Variants in ROBO1 observed in about 807,000 individuals in gnomAD.
ROBO1 encodes roundabout guidance receptor 1.
Under a neutral mutation model 195.9 loss-of-function variants are expected in ROBO1, and 149 were observed. The observed-to-expected ratio is 0.76, with a 90% CI of 0.67 to 0.87. ROBO1 has a LOEUF of 0.87. Ranked by LOEUF, ROBO1 falls within the 40% of genes least tolerant of loss-of-function variation. The probability of loss-of-function intolerance (pLI) is 0.00; values close to 1 mark genes in which losing one functional copy is unlikely to be tolerated. For missense variants in ROBO1, 1,933 were observed against 2,068.3 expected (o/e 0.93, Z 1.27); for synonymous variants, 816 against 733.2 (o/e 1.11, Z -1.82).
At chr3:79,498,716 T>G (rs1462242915) in intron 2 of ROBO1, among the ~76,000 whole-genome samples, 2 of 151,790 alleles carry the variant, frequency 1.3e-5, no homozygotes, top group Non-Finnish European at 2.9e-5. Flanking sequence ...TAGCCAGGTG[T>G]GGAGGTGGGC....
chr3:79,530,491 G>T (rs1390905234), intron 2 of ROBO1, among the ~76,000 whole-genome samples: 2 of 152,146 alleles, frequency 1.3e-5, no homozygotes, highest in African/African-American at 4.8e-5. Context: ...TATCTATCCT[G>T]TAATACAGGT....
intron 2 of ROBO1, among the ~76,000 whole-genome samples, chr3:79,453,898 G>T (rs1216628354): frequency 2.6e-5 from 4 of 152,102 alleles, no homozygotes; most frequent in East Asian, 3.9e-4. Flanking sequence ...CAGCAACAAT[G>T]AAAGATTGAT....
In ROBO1 at chr3:78,978,111, A is replaced by T. The variant is rs569850874; in HGVS notation, c.173-39184T>A. Among the ~76,000 whole-genome samples, 83 of 152,294 alleles carry T rather than the reference A, an allele frequency of 5.4e-4. 2 individuals carry two copies. Among genetic ancestry groups the T allele is most frequent in the African/African-American group, 1.9e-3 (79 of 41,558 alleles). On this transcript the variant is annotated intron_variant, in intron 3 of 30. Transcript: ENST00000464233. ...CTCAGTCTAGTTAGTTAAAGATTTC[A>T]AAAATTATCAGATTGAATTGACTGT...
chr3:79,346,239 G>A (rs534952817), intron 2 of ROBO1, among the ~76,000 whole-genome samples: 1 of 152,168 alleles, frequency 6.6e-6, no homozygotes, highest in Admixed American at 6.5e-5. Flanking sequence ...ACAAAATAGG[G>A]CTGGTGGTGG....
chr3:78,674,554 G>T (rs536038139), intron 10 of ROBO1, among the ~76,000 whole-genome samples: 1 of 152,176 alleles, frequency 6.6e-6, no homozygotes, highest in East Asian at 1.9e-4. Flanking sequence ...CAGCAAACAC[G>T]AAATCACCTT....
At chr3:78,922,602 CTTCTT>C (rs1483116611) in intron 4 of ROBO1, among the ~76,000 whole-genome samples, 13 of 124,186 alleles carry the variant, frequency 1.0e-4, no homozygotes, top group African/African-American at 4.1e-4. Context: ...CCTTCTTCTT[CTTCTT>C]TTTTTTTTTT....
intron 3 of ROBO1, among the ~76,000 whole-genome samples, chr3:78,955,775 T>C (rs188681477): frequency 3.3e-5 from 5 of 152,098 alleles, no homozygotes; most frequent in Non-Finnish European, 5.9e-5. Context: ...CTAAAAACAA[T>C]TACACTTTTA....
intron 2 of ROBO1, among the ~76,000 whole-genome samples, chr3:79,544,815 G>A (rs1205096433): frequency 6.6e-6 from 1 of 152,006 alleles, no homozygotes; most frequent in Non-Finnish European, 1.5e-5. Flanking sequence ...GAACATTAAG[G>A]TAGGAATCAT....
At chr3:79,376,646 T>C (rs975574418) in intron 2 of ROBO1, among the ~76,000 whole-genome samples, 1 of 152,182 alleles carries the variant, frequency 6.6e-6, no homozygotes, top group Non-Finnish European at 1.5e-5. Context: ...CCTTTGCTCC[T>C]CATTCACTTT....
At chr3:79,555,730 T>C (rs2107689096) in intron 2 of ROBO1, among the ~76,000 whole-genome samples, 1 of 152,282 alleles carries the variant, frequency 6.6e-6, no homozygotes, top group East Asian at 1.9e-4. Context: ...GTTTCTTTTC[T>C]GTAAAACTTT....
chr3:78,672,594 CAAA>C (rs368446414), intron 10 of ROBO1, among the ~76,000 whole-genome samples: 4 of 73,928 alleles, frequency 5.4e-5, no homozygotes, highest in Admixed American at 1.7e-4. Context: ...GACCCTGTCT[CAAA>C]AAAAAAAAAA....
chr3:79,253,001 T>G (rs1424144310), intron 2 of ROBO1, among the ~76,000 whole-genome samples: 1 of 152,146 alleles, frequency 6.6e-6, no homozygotes, highest in Non-Finnish European at 1.5e-5. Flanking sequence ...CTAACTTATG[T>G]TAGGGCACTT....
chr3:79,369,575 C>T (rs1198111697), intron 2 of ROBO1, among the ~76,000 whole-genome samples: 6 of 152,256 alleles, frequency 3.9e-5, no homozygotes, highest in East Asian at 3.9e-4. Context: ...GGTAAGAGAG[C>T]AAACTTCTCA....
At chr3:79,247,088 G>A (rs747409604) in intron 2 of ROBO1, among the ~76,000 whole-genome samples, 1 of 147,778 alleles carries the variant, frequency 6.8e-6, no homozygotes, top group Non-Finnish European at 1.5e-5. Context: ...TCTTATTATT[G>A]CATAACGTTC....
At chr3:78,636,331 AAT>A (rs771521234) in intron 22 of ROBO1, among the ~76,000 whole-genome samples, 40 of 152,318 alleles carry the variant, frequency 2.6e-4, no homozygotes, top group Non-Finnish European at 4.7e-4. Flanking sequence ...AGACTAAATA[AAT>A]TTGAATTTCT....
intron 2 of ROBO1, among the ~76,000 whole-genome samples, chr3:79,306,507 GT>G (rs1292990296): frequency 6.6e-6 from 1 of 152,072 alleles, no homozygotes; most frequent in Non-Finnish European, 1.5e-5. Flanking sequence ...AATCTTTTCC[GT>G]TTTTTTGTTT....
In ROBO1 at chr3:78,646,151, C is replaced by T. The variant is rs1157046227; in HGVS notation, c.2879G>A (p.Gly960Glu). 6.2e-7 allele frequency: 1 copy of T among 1,606,932 alleles called. No individual in the cohort carries two copies. Among genetic ancestry groups the T allele is most frequent in the Non-Finnish European group, 8.5e-7 (1 of 1,175,062 alleles). Residue 960 changes from glycine (G) to glutamate (E), a missense_variant, in exon 21 of 31, where the codon GGG becomes GAG. Gly to Glu is a moderately conservative substitution (Grantham distance 98). Transcript: ENST00000464233. ...ACAAAACAAGCAAGATAATTACCTC[C>T]CTCCACTGCTGACAGCTTCGCCTCC... ...QRGGEAVSSG[G>E]RPGLLNISEP...
At chr3:79,299,659 T>C in intron 2 of ROBO1, among the ~76,000 whole-genome samples, 1 of 152,154 alleles carries the variant, frequency 6.6e-6, no homozygotes, top group Non-Finnish European at 1.5e-5. Flanking sequence ...TAATAATTTT[T>C]AATTGAGATA....
At chr3:79,019,515 CGGCCCGATAATACTTAAAG>C (rs2108267166) in intron 3 of ROBO1, 1 of 986,124 alleles carries the variant, frequency 1.0e-6, no homozygotes, top group South Asian at 4.7e-5. Flanking sequence ...CTCTCCTCCC[CGGCCCGATAATACTTAAAG>C]GGGCCGCGTG....
Sources: allele counts gnomAD v4.1 joint callset (sites outside exome capture counted in the v4.1 genomes callset), GRCh38; gene constraint gnomAD v4.1.1; transcripts MANE v1.5; gene names NCBI Gene and HGNC (gene_info 2026-07-23, HGNC 2026-07-21).